Variants in SERINC5 observed in about 807,000 individuals in gnomAD.
SERINC5 encodes the protein chromosome 5 open reading frame 12.
In SERINC5, 41 loss-of-function variants were observed where a neutral mutation model predicts 63.1. That is an observed-to-expected ratio of 0.65 (90% CI 0.51 to 0.84). The LOEUF (loss-of-function observed/expected upper bound fraction) is 0.84, where lower values mean the gene tolerates loss of function less well. Among genes scored for constraint, SERINC5 ranks in the 40% least tolerant of loss-of-function variants. The pLI is 0.00. For synonymous variants in SERINC5, 222 were observed against 215.2 expected (o/e 1.03, Z -0.28); for missense variants, 523 against 573.0 (o/e 0.91, Z 0.89).
chr5:80,170,707 A>G (rs1420220081), intron 5 of SERINC5, among the ~76,000 whole-genome samples: 1 of 152,198 alleles, frequency 6.6e-6, no homozygotes, highest in Non-Finnish European at 1.5e-5. Flanking sequence ...AGAGCCCCGA[A>G]GCGCCATAGT....
At chr5:80,158,718 G>T in intron 8 of SERINC5, 118 bp downstream of exon 8, 1 of 937,620 alleles carries the variant, frequency 1.1e-6, no homozygotes, top group Non-Finnish European at 1.6e-6. Context: ...TTTTACTTGT[G>T]GTTATTTTCC....
At chr5:80,197,262 C>T (rs1049289081) in intron 2 of SERINC5, among the ~76,000 whole-genome samples, 19 of 149,234 alleles carry the variant, frequency 1.3e-4, no homozygotes, top group Non-Finnish European at 2.2e-4. Context: ...AGCAGAAGAT[C>T]GTGCCACTGC....
downstream of SERINC5, among the ~76,000 whole-genome samples, chr5:80,111,342 G>A (rs1580005534): frequency 6.6e-6 from 1 of 152,092 alleles, no homozygotes; most frequent in East Asian, 1.9e-4. Flanking sequence ...AGAGGGGAGG[G>A]GGAGCCTAGC....
intron 11 of SERINC5, among the ~76,000 whole-genome samples, chr5:80,119,490 G>C (rs1744458405): frequency 6.6e-6 from 1 of 152,234 alleles, no homozygotes; most frequent in African/African-American, 2.4e-5. Context: ...GCAGAGAACA[G>C]GGCCACCAGG....
intron 1 of SERINC5, among the ~76,000 whole-genome samples, chr5:80,226,364 G>A (rs148314234): frequency 5.3e-5 from 8 of 152,256 alleles, no homozygotes; most frequent in Non-Finnish European, 1.0e-4. Flanking sequence ...GAGGTTAACC[G>A]ACTTTCCAGA....
At chr5:80,232,639 C>T in intron 1 of SERINC5, among the ~76,000 whole-genome samples, 1 of 152,000 alleles carries the variant, frequency 6.6e-6, no homozygotes, top group African/African-American at 2.4e-5. Flanking sequence ...TGAAAATTAG[C>T]TGGGCATAGT....
chr5:80,182,462 C>T (rs1011066796), intron 2 of SERINC5, among the ~76,000 whole-genome samples: 4 of 151,236 alleles, frequency 2.6e-5, no homozygotes, highest in African/African-American at 9.7e-5. Context: ...TCTCCCATTA[C>T]GTGTTGCCAG....
intron 1 of SERINC5, among the ~76,000 whole-genome samples, chr5:80,223,257 T>C (rs867708646): frequency 1.9e-4 from 29 of 152,324 alleles, no homozygotes; most frequent in African/African-American, 6.5e-4. Context: ...CTCGCGTGAA[T>C]ATCAAAATTC....
At chr5:80,157,966 T>C (rs1302975622) in intron 8 of SERINC5, 2 of 152,208 alleles carry the variant, frequency 1.3e-5, no homozygotes, top group Non-Finnish European at 2.9e-5. Flanking sequence ...AAAGACATTA[T>C]ATTTATACAA....
rs116490620 is a variant in SERINC5 at position 80,156,331 on chromosome 5, C to T, written c.986+2505G>A. Reference sequence around the variant, plus strand: ...CTTCAGAAGTCCAGATCTGAAAAAACCCTAGTTGGGCTAACTCCCACCCCT... The same window carrying T: ...CTTCAGAAGTCCAGATCTGAAAAAATCCTAGTTGGGCTAACTCCCACCCCT... On this transcript the variant is annotated intron_variant, in intron 8 of 11. Coordinates refer to ENST00000507668, the MANE Select transcript of SERINC5 (RefSeq NM_001174072.3). 2.6e-3 allele frequency among the ~76,000 whole-genome samples: 403 copies of T among 152,174 alleles called. 3 individuals are homozygous for T. The highest frequency in any genetic ancestry group is 8.8e-3 in the African/African-American group (366 of 41,474).
chr5:80,248,916 A>AT lies in SERINC5; in HGVS notation c.27+6979dup, dbSNP rs113983537. 7.9e-3 allele frequency among the ~76,000 whole-genome samples: 1,200 copies of AT among 152,202 alleles called. 18 individuals carry two copies. Among genetic ancestry groups the AT allele is most frequent in the African/African-American group, 0.027 (1,116 of 41,534 alleles). ...CCATCTAACAGAGATGAAATTAGGG[A>AT]TTTTTTTTCATTACTTTTGTCCTTT... On this transcript the variant is annotated intron_variant, in intron 1 of 11. Coordinates refer to ENST00000507668, the MANE Select transcript of SERINC5 (RefSeq NM_001174072.3).
At chr5:80,122,119 G>T (rs1744566774) in intron 11 of SERINC5, among the ~76,000 whole-genome samples, 1 of 151,098 alleles carries the variant, frequency 6.6e-6, no homozygotes, top group Non-Finnish European at 1.5e-5. Flanking sequence ...GGTGTAAATT[G>T]CAATCTCTCT....
chr5:80,206,474 C>A (rs1750168866), intron 1 of SERINC5, among the ~76,000 whole-genome samples: 2 of 152,222 alleles, frequency 1.3e-5, no homozygotes, highest in Admixed American at 1.3e-4. Context: ...CTCTCTCCAT[C>A]TTACGTCCGA....
chr5:80,194,146 C>T (rs557984936), intron 2 of SERINC5, among the ~76,000 whole-genome samples: 2 of 152,234 alleles, frequency 1.3e-5, no homozygotes, highest in Non-Finnish European at 2.9e-5. Flanking sequence ...TTGAAAAGCA[C>T]TCCATCTCAG....
chr5:80,248,786 C>G (rs1041449699), intron 1 of SERINC5, among the ~76,000 whole-genome samples: 5 of 152,160 alleles, frequency 3.3e-5, no homozygotes, highest in African/African-American at 1.2e-4. Context: ...AAAACAGTGA[C>G]TCAACCACCA....
At chr5:80,164,910 G>GTTTTTTTTTTTTTTTTTTTT (rs70982026) in intron 7 of SERINC5, among the ~76,000 whole-genome samples, 7 of 85,194 alleles carry the variant, frequency 8.2e-5, no homozygotes, top group African/African-American at 1.5e-4. Flanking sequence ...CTTTTTTTCT[G>GTTTTTTTTTTTTTTTTTTTT]TTTTTTTTTT....
At chr5:80,244,458 C>A (rs115689552) in intron 1 of SERINC5, among the ~76,000 whole-genome samples, 1 of 151,790 alleles carries the variant, frequency 6.6e-6, no homozygotes, top group East Asian at 2.0e-4. Flanking sequence ...TCAAGTGATA[C>A]GCTGCCTCAG....
At chr5:80,233,216 G>A (rs181833272) in intron 1 of SERINC5, among the ~76,000 whole-genome samples, 203 of 152,200 alleles carry the variant, frequency 1.3e-3, no homozygotes, top group African/African-American at 4.7e-3. Flanking sequence ...ATCTGAGGTC[G>A]AGAGTTCGAG....
Position 80,162,620 on chromosome 5 carries a change from C to T in SERINC5, c.860-3658G>A, listed in dbSNP as rs188828724. Among the ~76,000 whole-genome samples the T allele has an allele frequency of 6.0e-4, 92 of 152,360 alleles. 1 individual carries two copies. Among genetic ancestry groups the T allele is most frequent in the African/African-American group, 1.9e-3 (80 of 41,580 alleles). ...AATTCCTGGCCTCAAGCCATCCTCC[C>T]ACCTTGGCCTCCCAAAGTGCTGGGA... On this transcript the variant is annotated intron_variant, in intron 7 of 11. Transcript: ENST00000507668.
Sources: allele counts gnomAD v4.1 joint callset (sites outside exome capture counted in the v4.1 genomes callset), GRCh38; gene constraint gnomAD v4.1.1; transcripts MANE v1.5; gene names NCBI Gene and HGNC (gene_info 2026-07-23, HGNC 2026-07-21).